USP24: variants seen among roughly 807,000 people sequenced by gnomAD.
The protein encoded by USP24 is ubiquitin specific peptidase 24, also known as ubiquitin carboxyl-terminal hydrolase 24.
In USP24, 97 loss-of-function variants were observed where a neutral mutation model predicts 361.6. That is an observed-to-expected ratio of 0.27 (90% CI 0.23 to 0.32). USP24 has a LOEUF of 0.32. USP24 is among the 10% of genes least tolerant of loss of function. The pLI is 1.00. For synonymous variants in USP24, 1,098 were observed against 1,124.6 expected (o/e 0.98, Z 0.47); for missense variants, 2,353 against 3,165.6 (o/e 0.74, Z 6.16).
rs1223305540 is a variant in USP24, at chr1:55,069,033, G to A, written c.*12C>T. On this transcript the variant is annotated 3_prime_UTR_variant, in exon 68 of 68. Coordinates refer to ENST00000294383, the MANE Select transcript of USP24 (RefSeq NM_015306.3). ...ATTGTGTCTTGACTCCTCTCAGGCT[G>A]GGCATGTTCCTCTAGGGATCAACAT... 1 of 1,613,870 alleles carries A rather than the reference G, an allele frequency of 6.2e-7. No homozygotes were observed. Among genetic ancestry groups the A allele is most frequent in the South Asian group, 1.1e-5 (1 of 91,078 alleles).
chr1:55,146,006 G>A lies in USP24; in HGVS notation c.2354C>T (p.Thr785Ile). 1 of 1,608,232 alleles carries A rather than the reference G, an allele frequency of 6.2e-7. No homozygotes were observed. Among genetic ancestry groups the A allele is most frequent in the Non-Finnish European group, 8.5e-7 (1 of 1,175,774 alleles). ...TTTAAGTTTTTTCCTACCATTCATA[G>A]TGATTTCATATGACTCCAATTTAAG... ...KILKLESYEITMNGFNLFKTF... is the reference protein window; with the variant it reads ...KILKLESYEIIMNGFNLFKTF... Residue 785 changes from threonine to isoleucine, a missense_variant, in exon 20 of 68, where the codon ACT becomes ATT. Transcript: ENST00000294383.
intron 52 of USP24, 52 bp from the exon 53 acceptor site, chr1:55,092,968 T>C (rs746676028): frequency 8.3e-6 from 10 of 1,202,156 alleles, no homozygotes; most frequent in Non-Finnish European, 1.0e-5. Flanking sequence ...ATATTCAATA[T>C]GTGAAGGACA....
At chr1:55,149,048 A>C (rs534748335) in intron 16 of USP24, among the ~76,000 whole-genome samples, 1 of 152,366 alleles carries the variant, frequency 6.6e-6, no homozygotes, top group South Asian at 2.1e-4. Flanking sequence ...CTAAATATTA[A>C]AGAAAATATT....
intron 59 of USP24, 134 bp from the exon 60 acceptor site, chr1:55,079,793 T>TCTCACAGAGTACTCACACA: frequency 1.9e-5 from 20 of 1,051,218 alleles, no homozygotes; most frequent in Non-Finnish European, 2.3e-5. Flanking sequence ...ACTCACACAC[T>TCTCACAGAGTACTCACACA]GAGTACTCAC....
chr1:55,198,125 TTTC>T (rs1464833746), intron 1 of USP24, among the ~76,000 whole-genome samples: 1 of 146,014 alleles, frequency 6.8e-6, no homozygotes, highest in Non-Finnish European at 1.5e-5. Flanking sequence ...CACATTTATA[TTTC>T]TTTTTTAAAA....
intron 56 of USP24, chr1:55,084,551 T>G (rs1398319927): frequency 1.3e-5 from 2 of 152,344 alleles, no homozygotes; most frequent in African/African-American, 4.8e-5. Context: ...AGACCAGGCT[T>G]ACTACTCTCA....
At chr1:55,069,332 A>G (rs527875528) in intron 67 of USP24, among the ~76,000 whole-genome samples, 5 of 152,364 alleles carry the variant, frequency 3.3e-5, no homozygotes, top group African/African-American at 1.2e-4. Context: ...CAACCCAGCG[A>G]CTTGTCTAAA....
At chr1:55,142,419 A>G (rs540781168) in intron 23 of USP24, among the ~76,000 whole-genome samples, 2 of 152,210 alleles carry the variant, frequency 1.3e-5, no homozygotes, top group Non-Finnish European at 2.9e-5. Flanking sequence ...CTGAACAGGA[A>G]AAGAAAAAAA....
In USP24 at chr1:55,077,232, T is replaced by A; in HGVS notation, c.7380+3A>T. On this transcript the variant is annotated splice_donor_region_variant and intron_variant, in intron 62 of 67. Transcript: ENST00000294383. ...AAAGTGAGTCAGAACAGTTATGACT[T>A]ACCAATATTTCATGAAGTAGTTGGA... The A allele has an allele frequency of 6.5e-7, 1 of 1,542,376 alleles. No individual in the cohort carries two copies. The highest frequency in any genetic ancestry group is 8.8e-7 in the Non-Finnish European group (1 of 1,136,142).
At position 55,148,583 on chromosome 1, in the gene USP24, A is replaced by C. The variant is rs1392856926; in HGVS notation, c.1861-13T>G. On this transcript the variant is annotated splice_polypyrimidine_tract_variant and intron_variant, in intron 16 of 67. Coordinates refer to ENST00000294383, the MANE Select transcript of USP24 (RefSeq NM_015306.3). ...TAAGCTGAGATGACTAGAGTTAAAA[A>C]GAAGTTACATTAATTAAATTTAGAA... is the stretch of plus-strand genomic sequence containing the variant. The C allele has an allele frequency of 1.3e-6, 2 of 1,521,978 alleles. No individual in the cohort carries two copies. The highest frequency in any genetic ancestry group is 1.8e-6 in the Non-Finnish European group (2 of 1,126,470). 94.3% of individuals were successfully genotyped at this position (1,521,978 alleles called of 1,614,324 possible). A position where few individuals can be genotyped will look rare whatever the true frequency, so the allele number is the denominator to read the frequency against.
chr1:55,135,468 C>T lies in USP24; in HGVS notation c.3202-1055G>A, dbSNP rs528193217. On this transcript the variant is annotated intron_variant, in intron 28 of 67. Coordinates refer to ENST00000294383, the MANE Select transcript of USP24 (RefSeq NM_015306.3). ...ATCTCAGTCAAAATCTTGTTTCATGCACAAAATTATTTAAGATGTTGTATA... is the reference window on the plus strand; with the variant it reads ...ATCTCAGTCAAAATCTTGTTTCATGTACAAAATTATTTAAGATGTTGTATA... 7.2e-5 allele frequency among the ~76,000 whole-genome samples: 11 copies of T among 152,282 alleles called. No individual in the cohort carries two copies. In the South Asian group the frequency reaches 2.3e-3, roughly 32 times the overall value.
At chr1:55,214,712 A>C (rs1231566256) in intron 1 of USP24, 78 bp downstream of exon 1, 5 of 1,088,862 alleles carry the variant, frequency 4.6e-6, no homozygotes, top group East Asian at 5.4e-5. Context: ...CCCCACACCA[A>C]GCCCAGCGGG....
Position 55,154,265 on chromosome 1 carries a change from A to G in USP24, c.1666T>C (p.Trp556Arg). Reference sequence around the variant, plus strand: ...AGGGTTGGAAGGTGAGCCAGTTCCCAGAGTACGTCTAAAACCTACAATAAT... The same window carrying G: ...AGGGTTGGAAGGTGAGCCAGTTCCCGGAGTACGTCTAAAACCTACAATAAT... ...TTSGKVLDVL[W>R]ELAHLPTLPS... is the part of the protein sequence containing the mutation. The change falls in exon 15 of 68, where the codon TGG (tryptophan) becomes CGG (arginine). Residue 556 changes from tryptophan (W) to arginine (R), a missense_variant. Physicochemically the swap from Trp to Arg is moderately radical, Grantham distance 101. This residue lies in a region of USP24 where 386 missense variants were observed against 560.5 expected (regional missense o/e 0.69). Coordinates refer to ENST00000294383, the MANE Select transcript of USP24 (RefSeq NM_015306.3). 1 of 1,612,072 alleles carries G rather than the reference A, an allele frequency of 6.2e-7. No individual in the cohort carries two copies. Among genetic ancestry groups the G allele is most frequent in the Non-Finnish European group, 8.5e-7 (1 of 1,178,932 alleles).
intron 1 of USP24, among the ~76,000 whole-genome samples, chr1:55,212,947 T>TA (rs1413218743): frequency 2.6e-5 from 4 of 152,216 alleles, no homozygotes; most frequent in Non-Finnish European, 4.4e-5. Flanking sequence ...TCTTTGTACT[T>TA]ACATGTACTG....
chr1:55,100,889 G>A lies in USP24; in HGVS notation c.5221C>T (p.His1741Tyr), dbSNP rs1239457326. Reference protein sequence around the residue: ...VFYQVQSLFGHLMESKLQYYV... With the variant: ...VFYQVQSLFGYLMESKLQYYV... ...TACTGCAGCTTGCTTTCCATTAAAT[G>A]TCCAAAGAGAGACTGCACTTGGTAA... is the stretch of plus-strand genomic sequence containing the variant. The change falls in exon 44 of 68, where the codon CAT becomes TAT. Residue 1741 changes from histidine to tyrosine, a missense_variant. Physicochemically the swap from His to Tyr is moderately conservative, Grantham distance 83. Transcript: ENST00000294383. 2 of 1,613,638 alleles carry A rather than the reference G, an allele frequency of 1.2e-6. No individual in the cohort carries two copies.
chr1:55,185,859 T>A (rs1644116446), intron 1 of USP24, among the ~76,000 whole-genome samples: 1 of 152,082 alleles, frequency 6.6e-6, no homozygotes, highest in African/African-American at 2.4e-5. Flanking sequence ...GTGAGCCACC[T>A]CGCCAGGCCA....
chr1:55,111,130 C>T (rs1006497117), intron 38 of USP24, among the ~76,000 whole-genome samples: 1 of 151,758 alleles, frequency 6.6e-6, no homozygotes, highest in Non-Finnish European at 1.5e-5. Flanking sequence ...TATTACCATA[C>T]TATTTTTTTT....
chr1:55,077,401 G>T, intron 61 of USP24, 101 bp from the exon 62 acceptor site: 2 of 1,039,840 alleles, frequency 1.9e-6, no homozygotes, highest in South Asian at 2.0e-5. Context: ...CCTTCTGGCC[G>T]ACCCTGGACA....
intron 26 of USP24, 63 bp downstream of exon 26, chr1:55,138,545 A>G: frequency 4.0e-6 from 5 of 1,240,364 alleles, no homozygotes; most frequent in Non-Finnish European, 4.6e-6. Flanking sequence ...AACTCAATCA[A>G]GACTGCTTTA....
Sources: allele counts gnomAD v4.1 joint callset (sites outside exome capture counted in the v4.1 genomes callset), GRCh38; gene constraint gnomAD v4.1.1; regional missense constraint gnomAD v4.1.1; transcripts MANE v1.5; gene names NCBI Gene and HGNC (gene_info 2026-07-23, HGNC 2026-07-21).